Variants in ANKRD18A observed in about 807,000 individuals in gnomAD.
ANKRD18A encodes the protein ankyrin repeat domain 18A, also known as ankyrin repeat domain-containing protein 18A.
ANKRD18A carries 72 observed loss-of-function variants against 110.6 expected under a neutral mutation model. The ratio of observed to expected loss-of-function variants is 0.65; its 90% CI spans 0.54 to 0.79. ANKRD18A has a LOEUF of 0.79. ANKRD18A is among the 30% of genes least tolerant of loss of function. The pLI, the probability that ANKRD18A is intolerant of heterozygous loss-of-function variation, is 0.00. For synonymous variants in ANKRD18A, 305 were observed against 410.3 expected (o/e 0.74, Z 3.10); for missense variants, 934 against 1,163.3 (o/e 0.80, Z 2.87).
At chr9:38,591,350 C>T (rs1824639767) in intron 10 of ANKRD18A, among the ~76,000 whole-genome samples, 1 of 152,202 alleles carries the variant, frequency 6.6e-6, no homozygotes, top group Non-Finnish European at 1.5e-5. Context: ...CTACCAGATA[C>T]TAGCCGTGCG....
intron 8 of ANKRD18A, among the ~76,000 whole-genome samples, chr9:38,598,186 TC>T (rs1190508254): frequency 6.6e-6 from 1 of 152,220 alleles, no homozygotes; most frequent in African/African-American, 2.4e-5. Context: ...ATGTAATTCA[TC>T]TTTAAATGAA....
chr9:38,614,239 T>TGTTGCTG (rs1218299563), intron 3 of ANKRD18A, among the ~76,000 whole-genome samples: 1,896 of 146,808 alleles, frequency 0.013, 42 homozygotes, highest in African/African-American at 0.044. Flanking sequence ...TTTTTTTTTT[T>TGTTGCTG]TTTTGCTCTT....
At chr9:38,589,483 G>T (rs922761103) in intron 10 of ANKRD18A, among the ~76,000 whole-genome samples, 2 of 152,148 alleles carry the variant, frequency 1.3e-5, no homozygotes, top group Admixed American at 6.5e-5. Flanking sequence ...CTCTGTATCC[G>T]TGCTTTCACA....
At chr9:38,581,031 C>T (rs1824139148) in intron 12 of ANKRD18A, among the ~76,000 whole-genome samples, 1 of 152,220 alleles carries the variant, frequency 6.6e-6, no homozygotes, top group African/African-American at 2.4e-5. Context: ...ATTTCTCCAA[C>T]TTCCTAGGGA....
chr9:38,613,140 T>G (rs1195843249), intron 3 of ANKRD18A, among the ~76,000 whole-genome samples: 1 of 151,926 alleles, frequency 6.6e-6, no homozygotes, highest in South Asian at 2.1e-4. Flanking sequence ...ATGAAGGAGG[T>G]TACCTAAGTA....
At chr9:38,568,601 G>A (rs1327547511), downstream of ANKRD18A, among the ~76,000 whole-genome samples, 1 of 151,570 alleles carries the variant, frequency 6.6e-6, no homozygotes, top group Admixed American at 6.6e-5. Flanking sequence ...GTTGGTGGCC[G>A]GTCCACTTGC....
chr9:38,571,188 G>A, downstream of ANKRD18A: 10 of 1,529,880 alleles, frequency 6.5e-6, no homozygotes, highest in Admixed American at 2.0e-5. Context: ...GGGCTCGCCT[G>A]TGCTTCCTTG....
At chr9:38,615,108 T>G (rs1825793433) in intron 3 of ANKRD18A, among the ~76,000 whole-genome samples, 1 of 152,182 alleles carries the variant, frequency 6.6e-6, no homozygotes, top group Non-Finnish European at 1.5e-5. Context: ...TTTCCCTCAT[T>G]ACCTAATTTC....
intron 14 of ANKRD18A, 54 bp downstream of exon 14, chr9:38,576,999 T>A (rs1823921550): frequency 6.7e-7 from 1 of 1,494,312 alleles, no homozygotes; most frequent in South Asian, 1.3e-5. Context: ...ATTATGCTTT[T>A]AAGACAAATT....
chr9:38,609,353 C>T (rs570678024), intron 5 of ANKRD18A, among the ~76,000 whole-genome samples: 18 of 152,160 alleles, frequency 1.2e-4, no homozygotes, highest in Non-Finnish European at 2.1e-4. Flanking sequence ...TGGTGGCGGG[C>T]GCCTGTAGTC....
At chr9:38,568,699 C>A, downstream of ANKRD18A, 1 of 979,426 alleles carries the variant, frequency 1.0e-6, no homozygotes, top group Non-Finnish European at 1.2e-6. Flanking sequence ...TACTGACACC[C>A]TGCTCTGAGT....
At chr9:38,575,760 C>T in intron 14 of ANKRD18A, 62 bp from the exon 15 acceptor site, 3 of 1,473,656 alleles carry the variant, frequency 2.0e-6, no homozygotes, top group Non-Finnish European at 2.7e-6. Flanking sequence ...TTCTTAATGA[C>T]TTGCATTTTT....
At chr9:38,581,731 G>A (rs652066) in intron 12 of ANKRD18A, among the ~76,000 whole-genome samples, 5 of 152,040 alleles carry the variant, frequency 3.3e-5, no homozygotes, top group East Asian at 1.9e-4. Flanking sequence ...GTATTATACC[G>A]CAATGCTTCT....
At position 38,596,880 on chromosome 9, in the gene ANKRD18A, T is replaced by G. The variant is rs150858373; in HGVS notation, c.937-477A>C. On this transcript the variant is annotated intron_variant, in intron 8 of 15. Coordinates refer to ENST00000399703, the MANE Select transcript of ANKRD18A (RefSeq NM_147195.4). ...TTCCCTGATCATATTCTATTGTGAT[T>G]TGACTCAACATTTTTTAGTTGTAAG... is the stretch of plus-strand genomic sequence containing the variant. Among the ~76,000 whole-genome samples, 1,279 of 152,310 alleles carry G rather than the reference T, an allele frequency of 8.4e-3. 44 individuals carry two copies. Among genetic ancestry groups the G allele is most frequent in the Admixed American group, 0.077 (1,172 of 15,284 alleles).
At chr9:38,580,079 C>G (rs548662105) in intron 12 of ANKRD18A, among the ~76,000 whole-genome samples, 3 of 152,168 alleles carry the variant, frequency 2.0e-5, no homozygotes. Context: ...AAGATAAATA[C>G]TGCACATTCT....
At chr9:38,584,277 C>A (rs1824281571) in intron 12 of ANKRD18A, among the ~76,000 whole-genome samples, 1 of 152,194 alleles carries the variant, frequency 6.6e-6, no homozygotes, top group Non-Finnish European at 1.5e-5. Flanking sequence ...AGCACAGATG[C>A]AGCATGAAAA....
intron 5 of ANKRD18A, among the ~76,000 whole-genome samples, chr9:38,608,219 A>T (rs1215421708): frequency 6.6e-6 from 1 of 152,154 alleles, no homozygotes; most frequent in African/African-American, 2.4e-5. Context: ...CACCAAGGGC[A>T]GAAAACTAAT....
chr9:38,579,042 A>T (rs1380009762), intron 12 of ANKRD18A, among the ~76,000 whole-genome samples: 1 of 152,152 alleles, frequency 6.6e-6, no homozygotes, highest in East Asian at 1.9e-4. Flanking sequence ...AAATCCACAT[A>T]TTTACAGCCA....
intron 12 of ANKRD18A, among the ~76,000 whole-genome samples, chr9:38,582,771 T>C (rs10973925): frequency 0.25 from 38,300 of 152,114 alleles, 5,268 homozygotes; most frequent in East Asian, 0.46. Flanking sequence ...TGTGACTGCA[T>C]TTGGCAGTGT....
Sources: gnomAD v4.1 joint callset for allele counts (sites outside exome capture counted in the v4.1 genomes callset) on GRCh38, gnomAD v4.1.1 for gene constraint, MANE v1.5 for transcripts, NCBI Gene and HGNC (gene_info 2026-07-23, HGNC 2026-07-21) for gene names.